The following SEPTIN2 variants were observed in gnomAD, a reference collection of about 807,000 sequenced individuals.
The protein encoded by SEPTIN2 is septin 2, also known as septin-2.
In SEPTIN2, 34 loss-of-function variants were observed where a neutral mutation model predicts 46.5. The observed-to-expected ratio is 0.73, with a 90% confidence interval of 0.56 to 0.97. The LOEUF is 0.97. Ranked by LOEUF, SEPTIN2 falls within the 50% of genes least tolerant of loss-of-function variation. The pLI, the probability that SEPTIN2 is intolerant of heterozygous loss-of-function variation, is 0.00. For synonymous variants in SEPTIN2, 175 were observed against 153.4 expected (o/e 1.14, Z -1.04); for missense variants, 347 against 448.4 (o/e 0.77, Z 2.04).
intron 2 of SEPTIN2, 188 bp downstream of exon 2, chr2:241,324,429 C>G (rs2077615177): frequency 1.8e-6 from 1 of 545,626 alleles, no homozygotes; most frequent in Non-Finnish European, 3.3e-6. Flanking sequence ...TGTTCTGTCA[C>G]CAGGCTGGAG....
chr2:241,338,537 C>T (rs894640713), intron 7 of SEPTIN2, among the ~76,000 whole-genome samples: 1 of 146,390 alleles, frequency 6.8e-6, no homozygotes, highest in African/African-American at 2.5e-5. Context: ...ATCACTTGAG[C>T]CCAGAAGTTG....
At chr2:241,344,636 G>A (rs936494954) in intron 9 of SEPTIN2, among the ~76,000 whole-genome samples, 4 of 152,340 alleles carry the variant, frequency 2.6e-5, no homozygotes, top group African/African-American at 9.6e-5. Context: ...CCAGGAGGCA[G>A]AGGTTGCAGT....
At chr2:241,349,432 C>T (rs1439858107) in intron 11 of SEPTIN2, among the ~76,000 whole-genome samples, 2 of 151,488 alleles carry the variant, frequency 1.3e-5, no homozygotes, top group Non-Finnish European at 2.9e-5. Flanking sequence ...TATTGTGAGG[C>T]CTTCATTGCC....
At chr2:241,316,610 C>G (rs2076315389) in intron 1 of SEPTIN2, 24 of 1,319,006 alleles carry the variant, frequency 1.8e-5, no homozygotes, top group Non-Finnish European at 2.4e-5. Context: ...CGAGTTGGCC[C>G]GGGGATGAGG....
At chr2:241,339,819 T>A (rs1241169222) in intron 7 of SEPTIN2, among the ~76,000 whole-genome samples, 1 of 152,164 alleles carries the variant, frequency 6.6e-6, no homozygotes, top group Non-Finnish European at 1.5e-5. Context: ...CATCCCCTGC[T>A]CTGCTGGTAG....
chr2:241,335,552 C>A, intron 4 of SEPTIN2: 1 of 621,064 alleles, frequency 1.6e-6, no homozygotes, highest in Non-Finnish European at 2.8e-6. Context: ...GATAGATGTT[C>A]GAATTCATCT....
At chr2:241,347,365 A>G (rs532481649) in intron 10 of SEPTIN2, among the ~76,000 whole-genome samples, 22 of 152,344 alleles carry the variant, frequency 1.4e-4, no homozygotes, top group Non-Finnish European at 3.1e-4. Context: ...GAAATGAGAC[A>G]TTAAGAAAGA....
chr2:241,351,734 T>A (rs2060811575), intron 12 of SEPTIN2: 2 of 152,228 alleles, frequency 1.3e-5, no homozygotes, highest in Admixed American at 6.5e-5. Context: ...AATGAAAATT[T>A]TACTTTTAGA....
At position 241,326,216 on chromosome 2, in the gene SEPTIN2, C is replaced by T. The variant is rs1205955463; in HGVS notation, c.130+103C>T. Reference sequence around the variant, plus strand: ...CCTATAAAGAAAGAGGAAAATTTGGCAGAGTCAAATAACTTGAGAATTTGA... The same window carrying T: ...CCTATAAAGAAAGAGGAAAATTTGGTAGAGTCAAATAACTTGAGAATTTGA... On this transcript the variant is annotated intron_variant, in intron 3 of 12. Coordinates refer to ENST00000391971, the MANE Select transcript of SEPTIN2 (RefSeq NM_004404.5). 3 of 1,134,422 alleles carry T rather than the reference C, an allele frequency of 2.6e-6. No homozygotes were observed. In the African/African-American group the frequency reaches 4.8e-5, roughly 18 times the overall value. 70.3% of individuals were successfully genotyped at this position (1,134,422 alleles called of 1,614,324 possible).
intron 7 of SEPTIN2, among the ~76,000 whole-genome samples, chr2:241,338,856 AT>A (rs1197031440): frequency 1.0e-5 from 1 of 96,114 alleles, no homozygotes; most frequent in Non-Finnish European, 1.8e-5. Flanking sequence ...TATAATATAT[AT>A]AAAAATATAT....
At chr2:241,331,961 T>G (rs2149998292) in intron 3 of SEPTIN2, among the ~76,000 whole-genome samples, 1 of 152,344 alleles carries the variant, frequency 6.6e-6, no homozygotes, top group South Asian at 2.1e-4. Flanking sequence ...AAAGCCAAGT[T>G]GATTCAGTGG....
At chr2:241,317,122 C>G (rs1310709606) in intron 1 of SEPTIN2, 1 of 152,210 alleles carries the variant, frequency 6.6e-6, no homozygotes, top group African/African-American at 2.4e-5. Flanking sequence ...AGAAAAACAT[C>G]ATGGTGTAGG....
chr2:241,326,035 G>A lies in SEPTIN2; in HGVS notation c.52G>A (p.Val18Ile). ...TATAAATCCAGAAACACCTGGCTATGTTGGATTTGCAAACCTCCCCAATCA... is the reference window on the plus strand; with the variant it reads ...TATAAATCCAGAAACACCTGGCTATATTGGATTTGCAAACCTCCCCAATCA... ...QFINPETPGY[V>I]GFANLPNQVH... The change falls in exon 3 of 13, where the codon GTT (valine) becomes ATT (isoleucine). Residue 18 changes from valine (V) to isoleucine (I), a missense_variant. Transcript: ENST00000391971. 6.2e-7 allele frequency: 1 copy of A among 1,613,798 alleles called. No homozygotes were observed. Among genetic ancestry groups the A allele is most frequent in the Non-Finnish European group, 8.5e-7 (1 of 1,179,806 alleles).
At chr2:241,339,375 G>GA (rs201090856) in intron 7 of SEPTIN2, among the ~76,000 whole-genome samples, 16,444 of 133,948 alleles carry the variant, frequency 0.12, 1,119 homozygotes, top group Non-Finnish European at 0.16. Flanking sequence ...TCCGTCTCAA[G>GA]AAAAAAAAAA....
At chr2:241,338,811 T>TTTATATTATTTATATATAATACATA (rs1350001636) in intron 7 of SEPTIN2, among the ~76,000 whole-genome samples, 1 of 108,792 alleles carries the variant, frequency 9.2e-6, no homozygotes, top group African/African-American at 4.0e-5. Context: ...ACATATTATA[T>TTTATATTATTTATATATAATACATA]TTATATTATT....
intron 1 of SEPTIN2, chr2:241,316,488 G>A: frequency 3.3e-6 from 5 of 1,508,358 alleles, no homozygotes; most frequent in Non-Finnish European, 4.4e-6. Flanking sequence ...TAAGCGAGGG[G>A]AGAGCGACTA....
chr2:241,340,549 A>C (rs928142987), intron 7 of SEPTIN2, among the ~76,000 whole-genome samples: 4 of 152,212 alleles, frequency 2.6e-5, no homozygotes, highest in Admixed American at 1.3e-4. Context: ...AGACGTTTTT[A>C]TGCTAATAAA....
At chr2:241,335,085 T>C in intron 3 of SEPTIN2, 41 bp from the exon 4 acceptor site, 1 of 1,406,812 alleles carries the variant, frequency 7.1e-7, no homozygotes, top group Non-Finnish European at 1.0e-6. Context: ...AATGGTGTCA[T>C]ATGAATAAGG....
chr2:241,336,499 G>T, intron 5 of SEPTIN2: 1 of 184,294 alleles, frequency 5.4e-6, no homozygotes, highest in Non-Finnish European at 1.2e-5. Context: ...AAATGAAGAA[G>T]TAGAAGATAG....
Sources: allele counts gnomAD v4.1 joint callset (sites outside exome capture counted in the v4.1 genomes callset), GRCh38; gene constraint gnomAD v4.1.1; transcripts MANE v1.5; gene names NCBI Gene and HGNC (gene_info 2026-07-23, HGNC 2026-07-21).